Variants in RAPGEF6 observed in about 807,000 individuals in gnomAD.
The protein encoded by RAPGEF6 is PDZ domain containing guanine nucleotide exchange factor (GEF) 2.
In RAPGEF6, 56 loss-of-function variants were observed where a neutral mutation model predicts 171.4. The ratio of observed to expected loss-of-function variants is 0.33; its 90% confidence interval spans 0.26 to 0.41. The LOEUF (loss-of-function observed/expected upper bound fraction) is 0.41, where lower values mean the gene tolerates loss of function less well. Among genes scored for constraint, RAPGEF6 ranks in the 10% least tolerant of loss-of-function variants. RAPGEF6 has a pLI of 1.00. For synonymous variants in RAPGEF6, 692 were observed against 650.1 expected, an observed-to-expected ratio of 1.06 and a Z score of -0.98; for missense variants, 1,674 against 1,921.4, an observed-to-expected ratio of 0.87 and a Z score of 2.41.
intron 5 of RAPGEF6, among the ~76,000 whole-genome samples, chr5:131,558,592 C>T (rs947785639): frequency 6.6e-6 from 1 of 152,112 alleles, no homozygotes; most frequent in African/African-American, 2.4e-5. Context: ...GCTCTTATAG[C>T]ACTAGGGCTT....
intron 24 of RAPGEF6, chr5:131,435,809 T>C (rs1751973760): frequency 7.2e-7 from 1 of 1,381,496 alleles, no homozygotes; most frequent in South Asian, 1.6e-5. Flanking sequence ...ATAACTTATG[T>C]ACAAATGAGG....
At chr5:131,436,372 A>G (rs1288530764) in intron 24 of RAPGEF6, 1 of 1,537,076 alleles carries the variant, frequency 6.5e-7, no homozygotes, top group Non-Finnish European at 8.7e-7. Flanking sequence ...ATCAGATATG[A>G]TACTGCCAAC....
chr5:131,527,787 G>A (rs1008120481), intron 6 of RAPGEF6, among the ~76,000 whole-genome samples: 17 of 151,834 alleles, frequency 1.1e-4, no homozygotes, highest in African/African-American at 3.6e-4. Context: ...AGGCCGAGGC[G>A]GGCGGATCAC....
At chr5:131,581,827 C>T (rs1031018491) in intron 4 of RAPGEF6, among the ~76,000 whole-genome samples, 1 of 152,128 alleles carries the variant, frequency 6.6e-6, no homozygotes, top group African/African-American at 2.4e-5. Flanking sequence ...TAACATTCCT[C>T]CCTGCCCTTG....
chr5:131,428,766 G>A (rs1289693315), intron 27 of RAPGEF6, 136 bp downstream of exon 27: 5 of 1,004,048 alleles, frequency 5.0e-6, no homozygotes, highest in Non-Finnish European at 7.2e-6. Flanking sequence ...CCTGCCGGCA[G>A]GAACTTCTTA....
chr5:131,578,128 G>A (rs899678079), intron 4 of RAPGEF6, among the ~76,000 whole-genome samples: 5 of 152,128 alleles, frequency 3.3e-5, no homozygotes, highest in African/African-American at 1.2e-4. Flanking sequence ...CTCTCTTGGA[G>A]TGGATAGAAG....
intron 1 of RAPGEF6, among the ~76,000 whole-genome samples, chr5:131,624,092 G>C (rs1460891800): frequency 1.3e-5 from 2 of 152,218 alleles, no homozygotes; most frequent in Non-Finnish European, 2.9e-5. Flanking sequence ...TTTCCAGACA[G>C]AGAAAATAGT....
intron 22 of RAPGEF6, 147 bp downstream of exon 22, chr5:131,446,336 T>A: frequency 1.4e-6 from 1 of 717,516 alleles, no homozygotes; most frequent in South Asian, 1.9e-5. Context: ...CAGTCTGTGA[T>A]TAATTGGATC....
intron 5 of RAPGEF6, among the ~76,000 whole-genome samples, chr5:131,554,518 T>A (rs1233850305): frequency 2.0e-5 from 3 of 152,190 alleles, no homozygotes; most frequent in Non-Finnish European, 2.9e-5. Context: ...CAGGTGTTTT[T>A]AAATAGGTTT....
intron 8 of RAPGEF6, among the ~76,000 whole-genome samples, chr5:131,509,555 AAG>A (rs1757587979): frequency 6.6e-6 from 1 of 151,494 alleles, no homozygotes; most frequent in Non-Finnish European, 1.5e-5. Flanking sequence ...AAAAAAAAAT[AAG>A]AGTACACACA....
At chr5:131,452,756 G>C (rs1294535697) in intron 21 of RAPGEF6, among the ~76,000 whole-genome samples, 1 of 151,826 alleles carries the variant, frequency 6.6e-6, no homozygotes, top group Non-Finnish European at 1.5e-5. Flanking sequence ...GTGAGCCACT[G>C]CGCCCGGCCT....
chr5:131,457,117 G>A (rs1040728806), intron 19 of RAPGEF6, among the ~76,000 whole-genome samples: 3 of 152,054 alleles, frequency 2.0e-5, no homozygotes, highest in African/African-American at 4.8e-5. Flanking sequence ...GCTGGAGTGC[G>A]GTGGTGCGAT....
intron 11 of RAPGEF6, among the ~76,000 whole-genome samples, chr5:131,504,153 T>C (rs988228841): frequency 2.0e-5 from 3 of 152,136 alleles, no homozygotes; most frequent in African/African-American, 4.8e-5. Flanking sequence ...TCATCCTTCA[T>C]CATTAAAATG....
rs771188582 is a variant in RAPGEF6 at position 131,442,441 on chromosome 5, T to C, written c.3518A>G (p.His1173Arg). The change falls in exon 23 of 28, where the codon CAT becomes CGT. Residue 1173 changes from histidine to arginine, a missense_variant. Physicochemically the swap from His to Arg is conservative, Grantham distance 29. Coordinates refer to ENST00000509018, the MANE Select transcript of RAPGEF6 (RefSeq NM_016340.6). The part of the protein sequence containing the change: ...SAGQTTKAHL[H>R]QPHRVSQVLQ... ...CACCTGGCTTACTCTGTGGGGTTGA[T>C]GCAAGTGGGCTTTAGTTGTTTGGCC... 2 of 1,614,224 alleles carry C rather than the reference T, an allele frequency of 1.2e-6. No homozygotes were observed. The highest frequency in any genetic ancestry group is 1.1e-5 in the South Asian group (1 of 91,088).
chr5:131,429,699 G>A (rs1308750996), intron 26 of RAPGEF6, among the ~76,000 whole-genome samples: 1 of 152,176 alleles, frequency 6.6e-6, no homozygotes, highest in Non-Finnish European at 1.5e-5. Context: ...GGGCAGATTA[G>A]TTCTCAGTCC....
chr5:131,451,970 C>T (rs573338418), intron 21 of RAPGEF6, among the ~76,000 whole-genome samples: 3 of 152,284 alleles, frequency 2.0e-5, no homozygotes, highest in East Asian at 1.9e-4. Context: ...CGGTGGCTCA[C>T]GCCTATAATC....
chr5:131,559,197 C>T (rs556611360), intron 5 of RAPGEF6, among the ~76,000 whole-genome samples: 14 of 152,176 alleles, frequency 9.2e-5, no homozygotes, highest in Admixed American at 2.0e-4. Context: ...CACGTGGTGG[C>T]GCACACCTGT....
At chr5:131,460,428 C>T (rs1277794441) in intron 19 of RAPGEF6, among the ~76,000 whole-genome samples, 7 of 152,142 alleles carry the variant, frequency 4.6e-5, no homozygotes, top group African/African-American at 1.7e-4. Context: ...GAGATCTATT[C>T]TCTCAGTGTC....
chr5:131,518,739 A>T (rs1276316800), intron 7 of RAPGEF6, among the ~76,000 whole-genome samples: 1 of 152,018 alleles, frequency 6.6e-6, no homozygotes, highest in Non-Finnish European at 1.5e-5. Flanking sequence ...CTCTTAAAAA[A>T]TTTTATCTTA....
Sources: gnomAD v4.1 joint callset for allele counts (sites outside exome capture counted in the v4.1 genomes callset) on GRCh38, gnomAD v4.1.1 for gene constraint, MANE v1.5 for transcripts, NCBI Gene and HGNC (gene_info 2026-07-23, HGNC 2026-07-21) for gene names.